The following TMTC1 variants were observed in gnomAD, a reference collection of about 807,000 sequenced individuals.
TMTC1 encodes protein O-mannosyl-transferase TMTC1.
Under a neutral mutation model 104.8 loss-of-function variants are expected in TMTC1, and 73 were observed. That is an observed-to-expected ratio of 0.70 (90% CI 0.58 to 0.85). The LOEUF is 0.85. TMTC1 is among the 40% of genes least tolerant of loss of function. TMTC1 has a pLI of 0.00. For synonymous variants in TMTC1, 434 were observed against 428.7 expected (o/e 1.01, Z -0.15); for missense variants, 1,035 against 1,096.1 (o/e 0.94, Z 0.79).
At chr12:29,570,607 G>T (rs1565678079) in intron 9 of TMTC1, among the ~76,000 whole-genome samples, 1 of 152,124 alleles carries the variant, frequency 6.6e-6, no homozygotes, top group Non-Finnish European at 1.5e-5. Flanking sequence ...ACTTTGGGAG[G>T]CTGAGGTGGG....
chr12:29,533,563 G>T (rs183735465), intron 11 of TMTC1: 1 of 152,168 alleles, frequency 6.6e-6, no homozygotes, highest in African/African-American at 2.4e-5. Context: ...ACAAATTAAC[G>T]AATGCTTGAA....
At chr12:29,557,039 A>G (rs768442950) in intron 9 of TMTC1, 39 bp from the exon 10 acceptor site, 5 of 1,605,832 alleles carry the variant, frequency 3.1e-6, no homozygotes, top group Non-Finnish European at 4.3e-6. Flanking sequence ...TGGTTCAAAA[A>G]CTTCTAAGTT....
At chr12:29,539,437 C>T (rs932290341) in intron 10 of TMTC1, among the ~76,000 whole-genome samples, 6 of 152,104 alleles carry the variant, frequency 3.9e-5, no homozygotes, top group East Asian at 3.9e-4. Context: ...TATTACGTGC[C>T]GACAACGGGA....
intron 5 of TMTC1, among the ~76,000 whole-genome samples, chr12:29,680,191 T>C (rs1449865034): frequency 6.6e-6 from 1 of 152,166 alleles, no homozygotes; most frequent in Non-Finnish European, 1.5e-5. Flanking sequence ...AGCTCTGAAT[T>C]TGAATAGAAA....
At chr12:29,677,862 G>C (rs1422956486) in intron 5 of TMTC1, among the ~76,000 whole-genome samples, 1 of 152,164 alleles carries the variant, frequency 6.6e-6, no homozygotes, top group African/African-American at 2.4e-5. Flanking sequence ...CTGCCATATG[G>C]CTATAATTGC....
At chr12:29,770,139 C>A (rs1943562830) in intron 1 of TMTC1, among the ~76,000 whole-genome samples, 1 of 151,232 alleles carries the variant, frequency 6.6e-6, no homozygotes, top group African/African-American at 2.4e-5. Flanking sequence ...AGCACCATTT[C>A]TTTAAAAAGA....
At chr12:29,529,503 CATTGTAAT>C (rs577180489) in intron 11 of TMTC1, among the ~76,000 whole-genome samples, 25 of 152,074 alleles carry the variant, frequency 1.6e-4, no homozygotes, top group African/African-American at 2.2e-4. Flanking sequence ...AATAGTAATA[CATTGTAAT>C]ATTGTAATAG....
intron 1 of TMTC1, among the ~76,000 whole-genome samples, chr12:29,782,225 C>T (rs1943850513): frequency 6.6e-6 from 1 of 152,258 alleles, no homozygotes; most frequent in Non-Finnish European, 1.5e-5. Flanking sequence ...GTCTATAACA[C>T]ATTCTCTTCA....
intron 5 of TMTC1, among the ~76,000 whole-genome samples, chr12:29,700,970 G>T (rs1251944062): frequency 6.6e-6 from 1 of 151,692 alleles, no homozygotes; most frequent in Non-Finnish European, 1.5e-5. Context: ...AAGTTTGGGG[G>T]TTTGTTTTTC....
chr12:29,590,734 G>A (rs1390773854), intron 7 of TMTC1, among the ~76,000 whole-genome samples: 2 of 152,180 alleles, frequency 1.3e-5, no homozygotes, highest in African/African-American at 4.8e-5. Context: ...ACAGTGAGCT[G>A]AGATTGTGCC....
chr12:29,717,756 G>A (rs1043941270), intron 5 of TMTC1, among the ~76,000 whole-genome samples: 7 of 151,982 alleles, frequency 4.6e-5, no homozygotes, highest in Non-Finnish European at 8.8e-5. Flanking sequence ...AATTATTAAG[G>A]GAATTTCAAA....
intron 5 of TMTC1, among the ~76,000 whole-genome samples, chr12:29,729,098 G>A (rs1164752530): frequency 6.7e-6 from 1 of 150,374 alleles, no homozygotes; most frequent in Non-Finnish European, 1.5e-5. Flanking sequence ...TTCAAATCTC[G>A]ACCCCTTTAC....
intron 2 of TMTC1, among the ~76,000 whole-genome samples, chr12:29,767,396 A>G (rs552149801): frequency 1.6e-4 from 24 of 152,340 alleles, no homozygotes; most frequent in South Asian, 1.2e-3. Context: ...CTTCCCCAGC[A>G]CTTACAGTTC....
intron 6 of TMTC1, among the ~76,000 whole-genome samples, chr12:29,626,976 C>T (rs991357450): frequency 6.6e-6 from 1 of 152,046 alleles, no homozygotes; most frequent in Non-Finnish European, 1.5e-5. Flanking sequence ...GTGGTGGGTG[C>T]CTGTAATCTC....
In TMTC1 at chr12:29,782,452, T is replaced by C. The variant is rs993693598; in HGVS notation, c.302+998A>G. Among the ~76,000 whole-genome samples the C allele has an allele frequency of 2.3e-4, 23 of 100,566 alleles. No individual in the cohort carries two copies. The Admixed American group carries it at 2.8e-3, about 12-fold the overall frequency. The allele number at this position is 100,566 out of a possible 152,430, so 66.0% of individuals were successfully genotyped here. On this transcript the variant is annotated intron_variant, in intron 1 of 17. Coordinates refer to ENST00000539277, the MANE Select transcript of TMTC1 (RefSeq NM_001193451.2). Reference sequence around the variant, plus strand: ...CATTACCATAAACACGGGTTCCTATTACACCCGTTGCAAAAAGGCTTAAAA... The same window carrying C: ...CATTACCATAAACACGGGTTCCTATCACACCCGTTGCAAAAAGGCTTAAAA...
intron 7 of TMTC1, among the ~76,000 whole-genome samples, chr12:29,598,910 G>A (rs1946481782): frequency 6.6e-6 from 1 of 152,158 alleles, no homozygotes; most frequent in Non-Finnish European, 1.5e-5. Context: ...TAATGTGAAT[G>A]CCTTTTATTT....
At chr12:29,526,215 C>T (rs1426455556) in intron 11 of TMTC1, among the ~76,000 whole-genome samples, 2 of 152,068 alleles carry the variant, frequency 1.3e-5, no homozygotes, top group African/African-American at 2.4e-5. Flanking sequence ...TCAGTTTATC[C>T]CTCCTATGAT....
chr12:29,753,455 G>A (rs1943140312), intron 4 of TMTC1, among the ~76,000 whole-genome samples: 1 of 152,208 alleles, frequency 6.6e-6, no homozygotes, highest in Admixed American at 6.5e-5. Flanking sequence ...ACGCGGACAT[G>A]GGTTCAAATC....
intron 6 of TMTC1, among the ~76,000 whole-genome samples, chr12:29,629,085 C>T (rs904440128): frequency 3.3e-5 from 5 of 151,806 alleles, no homozygotes; most frequent in Admixed American, 2.0e-4. Flanking sequence ...TGTGGGAGGC[C>T]GAGGCAGGTG....
Sources: gnomAD v4.1 joint callset for allele counts (sites outside exome capture counted in the v4.1 genomes callset) on GRCh38, gnomAD v4.1.1 for gene constraint, MANE v1.5 for transcripts, NCBI Gene and HGNC (gene_info 2026-07-23, HGNC 2026-07-21) for gene names.